The following PTTG1IP2 variants were observed in gnomAD, a reference collection of about 807,000 sequenced individuals.
PTTG1IP2 encodes the protein PTTG1IP family member 2.
chr7:90,511,703 C>T (rs1409479879), intron 6 of PTTG1IP2, among the ~76,000 whole-genome samples: 1 of 152,182 alleles, frequency 6.6e-6, no homozygotes, highest in Non-Finnish European at 1.5e-5. Flanking sequence ...TCCCTCTCTC[C>T]TCATACTCAT....
intron 6 of PTTG1IP2, among the ~76,000 whole-genome samples, chr7:90,504,133 G>A (rs1192765855): frequency 6.6e-6 from 1 of 151,960 alleles, no homozygotes; most frequent in Non-Finnish European, 1.5e-5. Flanking sequence ...TGGCCAAGAT[G>A]GTGAAACCCT....
intron 6 of PTTG1IP2, among the ~76,000 whole-genome samples, chr7:90,509,952 T>G (rs921791122): frequency 2.6e-5 from 4 of 152,234 alleles, no homozygotes; most frequent in African/African-American, 9.6e-5. Context: ...ATAGGTCCTA[T>G]AGTAGCTGAA....
At chr7:90,491,624 GAAAA>G (rs74700057) in intron 4 of PTTG1IP2, among the ~76,000 whole-genome samples, 3 of 119,588 alleles carry the variant, frequency 2.5e-5, no homozygotes, top group Admixed American at 1.7e-4. Flanking sequence ...CTCCATCTAA[GAAAA>G]AAAAAAAAAA....
intron 6 of PTTG1IP2, among the ~76,000 whole-genome samples, chr7:90,508,345 G>A (rs1418172156): frequency 1.3e-5 from 2 of 151,752 alleles, no homozygotes; most frequent in Non-Finnish European, 2.9e-5. Context: ...TTGAGTTAAA[G>A]CCTAAAGAAC....
intron 4 of PTTG1IP2, among the ~76,000 whole-genome samples, chr7:90,489,600 T>A (rs1007913727): frequency 2.6e-5 from 4 of 151,940 alleles, no homozygotes; most frequent in African/African-American, 7.2e-5. Context: ...CCTTGTCAAA[T>A]GTGTAATATT....
At chr7:90,500,773 G>A (rs1445053085) in intron 6 of PTTG1IP2, among the ~76,000 whole-genome samples, 1 of 152,196 alleles carries the variant, frequency 6.6e-6, no homozygotes, top group East Asian at 1.9e-4. Flanking sequence ...AAGTGAGGTG[G>A]CTGGCTGCAT....
intron 3 of PTTG1IP2, among the ~76,000 whole-genome samples, chr7:90,488,265 T>C (rs1797898876): frequency 6.6e-6 from 1 of 152,074 alleles, no homozygotes; most frequent in South Asian, 2.1e-4. Context: ...CAGATATATT[T>C]AAATCATGCA....
chr7:90,474,702 A>G (rs1797727516), intron 1 of PTTG1IP2, among the ~76,000 whole-genome samples: 1 of 152,174 alleles, frequency 6.6e-6, no homozygotes, highest in South Asian at 2.1e-4. Flanking sequence ...CTACCAACAC[A>G]CTGAATCTGG....
At chr7:90,481,374 T>C (rs185419930) in intron 2 of PTTG1IP2, among the ~76,000 whole-genome samples, 1 of 152,274 alleles carries the variant, frequency 6.6e-6, no homozygotes, top group Non-Finnish European at 1.5e-5. Flanking sequence ...ACTAGCTGAT[T>C]GCTGCTTGAG....
chr7:90,512,055 AATG>A (rs1270984487), intron 6 of PTTG1IP2, among the ~76,000 whole-genome samples: 1 of 152,230 alleles, frequency 6.6e-6, no homozygotes, highest in African/African-American at 2.4e-5. Flanking sequence ...CTTGAATAGT[AATG>A]ATAAGATTGA....
intron 2 of PTTG1IP2, among the ~76,000 whole-genome samples, chr7:90,486,288 C>T (rs1238551066): frequency 6.6e-6 from 1 of 152,090 alleles, no homozygotes; most frequent in African/African-American, 2.4e-5. Context: ...TTATGTAAGT[C>T]ATTTAACTTC....
chr7:90,476,958 A>G (rs1797755250), intron 1 of PTTG1IP2, among the ~76,000 whole-genome samples: 1 of 152,092 alleles, frequency 6.6e-6, no homozygotes, highest in African/African-American at 2.4e-5. Context: ...GATATTTTGC[A>G]TAATATATTT....
intron 2 of PTTG1IP2, among the ~76,000 whole-genome samples, chr7:90,482,213 C>T (rs551455850): frequency 6.6e-6 from 1 of 152,056 alleles, no homozygotes; most frequent in South Asian, 2.1e-4. Context: ...ATGAAGCAAC[C>T]GAGAATATTT....
chr7:90,495,384 A>G (rs1477581978), intron 6 of PTTG1IP2, among the ~76,000 whole-genome samples: 4 of 152,198 alleles, frequency 2.6e-5, no homozygotes, highest in Admixed American at 2.6e-4. Context: ...TCCTCTTATC[A>G]ACATCTATGG....
chr7:90,488,234 T>A lies in PTTG1IP2; in HGVS notation c.287-637T>A, dbSNP rs573370112. Among the ~76,000 whole-genome samples, 17 of 152,190 alleles carry A rather than the reference T, an allele frequency of 1.1e-4. No individual in the cohort carries two copies. In the East Asian group the frequency reaches 2.3e-3, roughly 21 times the overall value. Reference sequence around the variant, plus strand: ...AAGATATAAATTTTGCCCTCAAATCTCTGTTTCTTTCCGGTACTATCAGAT... The same window carrying A: ...AAGATATAAATTTTGCCCTCAAATCACTGTTTCTTTCCGGTACTATCAGAT... On this transcript the variant is annotated intron_variant, in intron 3 of 6. Transcript: ENST00000509356.
chr7:90,508,377 A>G (rs565640856), intron 6 of PTTG1IP2, among the ~76,000 whole-genome samples: 3 of 152,338 alleles, frequency 2.0e-5, no homozygotes, highest in East Asian at 1.9e-4. Context: ...ATGGAGATCA[A>G]ATAAGGCTTA....
chr7:90,511,058 C>T (rs919243495), intron 6 of PTTG1IP2, among the ~76,000 whole-genome samples: 5 of 150,792 alleles, frequency 3.3e-5, no homozygotes, highest in Admixed American at 6.6e-5. Flanking sequence ...ATACAAGCCC[C>T]TTGAGGGCAA....
At position 90,475,026 on chromosome 7, in the gene PTTG1IP2, C is replaced by T. The variant is rs1225002366; in HGVS notation, c.146-4202C>T. Among the ~76,000 whole-genome samples, 4 of 152,196 alleles carry T rather than the reference C, an allele frequency of 2.6e-5. No individual in the cohort carries two copies. In the East Asian group the frequency reaches 7.7e-4, roughly 29 times the overall value. ...TGGATCAGTGCCAGACGGTTTATTA[C>T]TCATAGCACAGCCAACAGCAGGAAC... On this transcript the variant is annotated intron_variant, in intron 1 of 6. Transcript: ENST00000509356.
chr7:90,475,075 C>A (rs893030622), intron 1 of PTTG1IP2, among the ~76,000 whole-genome samples: 1 of 152,192 alleles, frequency 6.6e-6, no homozygotes, highest in Admixed American at 6.5e-5. Context: ...CACCAAATCT[C>A]CTGCCCCCAA....
Sources: gnomAD v4.1 joint callset for allele counts (sites outside exome capture counted in the v4.1 genomes callset) on GRCh38, gnomAD v4.1.1 for gene constraint, MANE v1.5 for transcripts, NCBI Gene and HGNC (gene_info 2026-07-23, HGNC 2026-07-21) for gene names.